The following RERE variants were observed in gnomAD, a reference collection of about 807,000 sequenced individuals.
The protein encoded by RERE is arginine-glutamic acid dipeptide repeats protein.
A neutral mutation model predicts 146.1 loss-of-function variants in RERE; 40 were observed. The ratio of observed to expected loss-of-function variants is 0.27; its 90% CI spans 0.21 to 0.36. The LOEUF (loss-of-function observed/expected upper bound fraction) is 0.36. RERE is among the 10% of genes least tolerant of loss of function. The probability of loss-of-function intolerance (pLI) is 1.00; values close to 1 mark genes in which losing one functional copy is unlikely to be tolerated. For missense variants in RERE, 1,933 were observed against 2,138.7 expected (o/e 0.90, Z 1.90); for synonymous variants, 1,003 against 866.0 (o/e 1.16, Z -2.78).
chr1:8,399,947 C>G (rs1392003752), intron 12 of RERE, among the ~76,000 whole-genome samples: 1 of 151,814 alleles, frequency 6.6e-6, no homozygotes, highest in Non-Finnish European at 1.5e-5. Context: ...AGGTGGGACT[C>G]CAACTCCTGG....
intron 1 of RERE, among the ~76,000 whole-genome samples, chr1:8,732,802 A>AT (rs1640115759): frequency 2.1e-5 from 2 of 94,970 alleles, no homozygotes; most frequent in Admixed American, 1.2e-4. Flanking sequence ...CCAATTTTCA[A>AT]TTTTTCTTTT....
intron 10 of RERE, among the ~76,000 whole-genome samples, chr1:8,491,308 C>T (rs1644977157): frequency 6.6e-6 from 1 of 152,118 alleles, no homozygotes; most frequent in Non-Finnish European, 1.5e-5. Flanking sequence ...GGTTTGGTGG[C>T]ACATGCCTGC....
chr1:8,428,274 G>A (rs1036526770), intron 11 of RERE, among the ~76,000 whole-genome samples: 5 of 152,172 alleles, frequency 3.3e-5, no homozygotes, highest in Non-Finnish European at 5.9e-5. Flanking sequence ...CGAACTGAGC[G>A]TCTTGAGATG....
At chr1:8,736,866 A>C (rs992085548) in intron 1 of RERE, among the ~76,000 whole-genome samples, 32 of 151,916 alleles carry the variant, frequency 2.1e-4, no homozygotes, top group African/African-American at 4.6e-4. Context: ...AAAAAAAAAA[A>C]AAAAAAAAAC....
intron 8 of RERE, 52 bp from the exon 9 acceptor site, chr1:8,497,581 G>A (rs755241535): frequency 5.0e-6 from 8 of 1,599,614 alleles, no homozygotes; most frequent in Non-Finnish European, 2.6e-6. Context: ...TAATTATAAA[G>A]AGCTATCTCA....
intron 2 of RERE, among the ~76,000 whole-genome samples, chr1:8,634,463 G>A (rs1285502577): frequency 6.6e-6 from 1 of 152,194 alleles, no homozygotes; most frequent in Non-Finnish European, 1.5e-5. Context: ...TTGTTAAAAT[G>A]CTACTAATAC....
chr1:8,430,349 C>A (rs918357227), intron 11 of RERE, among the ~76,000 whole-genome samples: 2 of 152,202 alleles, frequency 1.3e-5, no homozygotes, highest in African/African-American at 4.8e-5. Flanking sequence ...GTATAGGCTG[C>A]TCCCAATTTC....
chr1:8,635,712 T>C (rs1037174264), intron 2 of RERE, among the ~76,000 whole-genome samples: 3 of 152,214 alleles, frequency 2.0e-5, no homozygotes, highest in Admixed American at 6.5e-5. Flanking sequence ...CTTTGTCTTA[T>C]AGGCAAGTCT....
At chr1:8,414,656 G>T (rs1234489044) in intron 12 of RERE, among the ~76,000 whole-genome samples, 1 of 147,632 alleles carries the variant, frequency 6.8e-6, no homozygotes, top group Non-Finnish European at 1.5e-5. Context: ...GCAGAACAAA[G>T]AATTATATTT....
intron 19 of RERE, 30 bp downstream of exon 19, chr1:8,359,734 C>G: frequency 1.3e-6 from 2 of 1,595,480 alleles, no homozygotes; most frequent in Non-Finnish European, 1.7e-6. Flanking sequence ...ACCAGCGCCC[C>G]CCGTCACACC....
chr1:8,467,460 C>T (rs17385519), intron 10 of RERE, among the ~76,000 whole-genome samples: 35,751 of 152,022 alleles, frequency 0.24, 5,750 homozygotes, highest in East Asian at 0.76. Flanking sequence ...CAGAAGACTC[C>T]GGAGGACATG....
rs557677362 is a variant in RERE at position 8,361,096 on chromosome 1, G to A, written c.2411C>T (p.Pro804Leu). The change falls in exon 18 of 23, where the codon CCG becomes CTG. Residue 804 changes from proline (P) to leucine (L), a missense_variant. Coordinates refer to ENST00000400908, the MANE Select transcript of RERE (RefSeq NM_001042681.2). ...PVPHTHIQQA[P>L]ALHPQRPPSP... ...GGGCGGCCGCTGGGGGTGCAAGGCC[G>A]GTGCCTGTTGGATGTGGGTGTGGGG... 55 of 1,440,460 alleles carry A rather than the reference G, an allele frequency of 3.8e-5. No individual in the cohort carries two copies. The highest frequency in any genetic ancestry group is 4.4e-5 in the Non-Finnish European group (48 of 1,101,356). The allele number at this position is 1,440,460 out of a possible 1,614,324, so 89.2% of individuals were successfully genotyped here.
chr1:8,531,293 A>G (rs1184573112), intron 7 of RERE, among the ~76,000 whole-genome samples: 6 of 152,098 alleles, frequency 3.9e-5, no homozygotes, highest in Admixed American at 2.0e-4. Flanking sequence ...AAATACAAAA[A>G]TAAGTCAGGC....
chr1:8,475,758 C>T (rs4351668), intron 10 of RERE, among the ~76,000 whole-genome samples: 89,161 of 151,886 alleles, frequency 0.59, 26,750 homozygotes, highest in East Asian at 0.83. Flanking sequence ...TTCATTTATA[C>T]CTCCATCATC....
chr1:8,693,339 A>T (rs1195118071), intron 1 of RERE, among the ~76,000 whole-genome samples: 1 of 152,236 alleles, frequency 6.6e-6, no homozygotes, highest in African/African-American at 2.4e-5. Flanking sequence ...CCTGGAAGCA[A>T]TCCAGATGTC....
At chr1:8,523,082 G>C (rs1177643370) in intron 7 of RERE, among the ~76,000 whole-genome samples, 1 of 151,982 alleles carries the variant, frequency 6.6e-6, no homozygotes, top group African/African-American at 2.4e-5. Flanking sequence ...GGAGGCTGAG[G>C]CAGGAGAATC....
chr1:8,436,322 TAAATAAATAAA>T (rs1444428251), intron 11 of RERE, among the ~76,000 whole-genome samples: 1 of 151,948 alleles, frequency 6.6e-6, no homozygotes, highest in Non-Finnish European at 1.5e-5. Context: ...CAATCTCAAA[TAAATAAATAAA>T]AAATAAATAA....
chr1:8,805,007 G>C (rs201658565), intron 1 of RERE, among the ~76,000 whole-genome samples: 1 of 61,364 alleles, frequency 1.6e-5, no homozygotes, highest in Non-Finnish European at 3.1e-5. Context: ...TTTTGTTTTT[G>C]GTTTTTTTTT....
At position 8,735,351 on chromosome 1, in the gene RERE, C is replaced by T. The variant is rs536315865; in HGVS notation, c.-144-78910G>A. On this transcript the variant is annotated intron_variant, in intron 1 of 22. Coordinates refer to ENST00000400908, the MANE Select transcript of RERE (RefSeq NM_001042681.2). The stretch of plus-strand genomic sequence containing the variant: ...GGTACTGTAGGTGGGCTACCCCACA[C>T]CCCCAGTCATATCAGCTTCTTGCTT... Among the ~76,000 whole-genome samples, 5 of 152,304 alleles carry T rather than the reference C, an allele frequency of 3.3e-5. No individual in the cohort carries two copies. The South Asian group carries it at 1.0e-3, about 32-fold the overall frequency.
Sources: gnomAD v4.1 joint callset for allele counts (sites outside exome capture counted in the v4.1 genomes callset) on GRCh38, gnomAD v4.1.1 for gene constraint, MANE v1.5 for transcripts, NCBI Gene and HGNC (gene_info 2026-07-23, HGNC 2026-07-21) for gene names.